PPP2R3C: variants seen among roughly 807,000 people sequenced by gnomAD.
PPP2R3C encodes protein phosphatase 2 regulatory subunit B''gamma, also known as serine/threonine-protein phosphatase 2A regulatory subunit B'' subunit gamma.
PPP2R3C carries 47 observed loss-of-function variants against 63.7 expected under a neutral mutation model. That is an observed-to-expected ratio of 0.74 (90% CI 0.58 to 0.94). The LOEUF is 0.94. PPP2R3C is among the 40% of genes least tolerant of loss of function. The pLI is 0.00. For missense variants in PPP2R3C, 421 were observed against 518.4 expected, an observed-to-expected ratio of 0.81 and a Z score of 1.82; for synonymous variants, 180 against 177.4, an observed-to-expected ratio of 1.01 and a Z score of -0.12.
chr14:35,097,661 T>G (rs1283852959), intron 7 of PPP2R3C, among the ~76,000 whole-genome samples: 2 of 152,008 alleles, frequency 1.3e-5, no homozygotes, highest in African/African-American at 4.8e-5. Flanking sequence ...TTTTTCTATT[T>G]TTAGTAGAGA....
intron 1 of PPP2R3C, among the ~76,000 whole-genome samples, chr14:35,118,379 G>GA (rs1271808934): frequency 6.6e-6 from 1 of 152,112 alleles, no homozygotes; most frequent in Admixed American, 6.6e-5. Flanking sequence ...GGCAAAAATG[G>GA]AATCTACTAC....
chr14:35,093,454 T>G (rs1264713015), intron 10 of PPP2R3C, among the ~76,000 whole-genome samples: 2 of 152,146 alleles, frequency 1.3e-5, no homozygotes, highest in South Asian at 2.1e-4. Context: ...TAATATAAGC[T>G]CCTCACTGTC....
At chr14:35,102,377 T>C (rs1210230120) in intron 6 of PPP2R3C, 2 of 152,198 alleles carry the variant, frequency 1.3e-5, no homozygotes, top group African/African-American at 4.8e-5. Flanking sequence ...CCATTTCAAA[T>C]ATCAAATTTC....
chr14:35,093,203 A>G (rs181532194), intron 10 of PPP2R3C, among the ~76,000 whole-genome samples: 6 of 151,818 alleles, frequency 4.0e-5, no homozygotes, highest in South Asian at 2.1e-4. Context: ...ACAGAGGGAG[A>G]CTCCATCTAA....
chr14:35,102,042 T>G (rs2046212897), intron 6 of PPP2R3C: 1 of 151,242 alleles, frequency 6.6e-6, no homozygotes, highest in South Asian at 2.1e-4. Flanking sequence ...TTTTTTTTTT[T>G]TTTTGAGACG....
At position 35,105,571 on chromosome 14, in the gene PPP2R3C, A is replaced by T. The variant is rs1226802969; in HGVS notation, c.573+1733T>A. Among the ~76,000 whole-genome samples the T allele has an allele frequency of 3.9e-5, 6 of 152,062 alleles. No homozygotes were observed. In the East Asian group the frequency reaches 1.2e-3, roughly 29 times the overall value. ...ACATTAAACATTTGTTTAGTAACACATGTCATTTGTTAAAAAAAATAAAAA... is the reference window on the plus strand; with the variant it reads ...ACATTAAACATTTGTTTAGTAACACTTGTCATTTGTTAAAAAAAATAAAAA... On this transcript the variant is annotated intron_variant, in intron 6 of 12. Coordinates refer to ENST00000261475, the MANE Select transcript of PPP2R3C (RefSeq NM_017917.4).
chr14:35,092,478 T>C (rs2138617353), intron 10 of PPP2R3C, among the ~76,000 whole-genome samples: 2 of 152,290 alleles, frequency 1.3e-5, no homozygotes, highest in South Asian at 4.1e-4. Flanking sequence ...GTATAATTTT[T>C]TTTTTGAGAT....
intron 12 of PPP2R3C, 45 bp downstream of exon 12, chr14:35,087,906 A>T (rs760018668): frequency 4.3e-6 from 6 of 1,380,654 alleles, no homozygotes; most frequent in South Asian, 1.2e-5. Context: ...ACAAATGACT[A>T]TCTCATAATT....
chr14:35,096,409 G>C, intron 9 of PPP2R3C, 149 bp downstream of exon 9: 3 of 763,402 alleles, frequency 3.9e-6, no homozygotes, highest in Non-Finnish European at 6.4e-6. Flanking sequence ...ATTTAAACAA[G>C]TAAATTTTGG....
chr14:35,107,637 G>T (rs977542599), intron 5 of PPP2R3C: 1 of 436,322 alleles, frequency 2.3e-6, no homozygotes. Context: ...GGGACAGCTA[G>T]TATAATATTA....
In PPP2R3C at chr14:35,095,116, T is replaced by C. The variant is rs774021376; in HGVS notation, c.907A>G (p.Thr303Ala). 20 of 1,611,036 alleles carry C rather than the reference T, an allele frequency of 1.2e-5. No homozygotes were observed. Among genetic ancestry groups the C allele is most frequent in the Non-Finnish European group, 1.7e-5 (20 of 1,177,242 alleles). Residue 303 changes from threonine to alanine, a missense_variant, in exon 10 of 13, where the codon ACA becomes GCA. Physicochemically the swap from Thr to Ala is moderately conservative, Grantham distance 58 (BLOSUM62 0). Coordinates refer to ENST00000261475, the MANE Select transcript of PPP2R3C (RefSeq NM_017917.4). ...LSKEELSRYG[T>A]ATMTNVFLDR... ...AAGAAGACATTGGTCATGGTAGCTG[T>C]TCCATAGCGTGAGAGTTCTTCTTTA...
At chr14:35,110,798 T>C in intron 2 of PPP2R3C, 169 bp from the exon 3 acceptor site, 1 of 555,750 alleles carries the variant, frequency 1.8e-6, no homozygotes, top group Non-Finnish European at 3.2e-6. Flanking sequence ...AGAGAATCGG[T>C]GATCAGAAAG....
At chr14:35,098,684 G>T (rs913367371) in intron 7 of PPP2R3C, 1 of 152,176 alleles carries the variant, frequency 6.6e-6, no homozygotes, top group East Asian at 1.9e-4. Flanking sequence ...GGACAATCAG[G>T]CACTTTGATT....
intron 12 of PPP2R3C, 139 bp downstream of exon 12, chr14:35,087,812 T>C (rs2045658937): frequency 3.0e-6 from 2 of 664,786 alleles, no homozygotes; most frequent in Non-Finnish European, 5.3e-6. Context: ...TTCGTAATGA[T>C]TTAAATATCA....
chr14:35,094,905 G>C (rs2045945138), intron 10 of PPP2R3C, 143 bp downstream of exon 10: 2 of 829,728 alleles, frequency 2.4e-6, no homozygotes, highest in Admixed American at 2.9e-5. Flanking sequence ...ATTGAGCGGA[G>C]ATCACACCAC....
At chr14:35,104,191 G>A (rs142034908) in intron 6 of PPP2R3C, among the ~76,000 whole-genome samples, 4 of 152,292 alleles carry the variant, frequency 2.6e-5, no homozygotes, top group South Asian at 2.1e-4. Flanking sequence ...ACCTCTAAAC[G>A]AGTACCAGCA....
Position 35,087,975 on chromosome 14 carries a change from A to T in PPP2R3C, c.1149T>A (p.Asp383Glu). 2 of 1,599,254 alleles carry T rather than the reference A, an allele frequency of 1.3e-6. No individual in the cohort carries two copies. The highest frequency in any genetic ancestry group is 8.6e-7 in the Non-Finnish European group (1 of 1,166,570). Reference sequence around the variant, plus strand: ...CCTTGACATCTTGAAATGAAACAGGATCTTGTCCATGGATTTTCATTAGTT... The same window carrying T: ...CCTTGACATCTTGAAATGAAACAGGTTCTTGTCCATGGATTTTCATTAGTT... ...IQELMKIHGQ[D>E]PVSFQDVKDE... The change falls in exon 12 of 13, where the codon GAT becomes GAA. Residue 383 changes from aspartate (D) to glutamate (E), a missense_variant. Transcript: ENST00000261475.
Position 35,110,446 on chromosome 14 carries a change from A to C in PPP2R3C, c.291+79T>G, listed in dbSNP as rs1475098989. 10 of 946,176 alleles carry C rather than the reference A, an allele frequency of 1.1e-5. No individual in the cohort carries two copies. The Admixed American group carries it at 2.0e-4, about 19-fold the overall frequency. 58.6% of individuals were successfully genotyped at this position (946,176 alleles called of 1,614,324 possible). ...CTCTGTAGTACGGACTCCATTAGGC[A>C]CCAAGAAATCCTGCATGATTTAAGT... is the stretch of plus-strand genomic sequence containing the variant. On this transcript the variant is annotated intron_variant, in intron 3 of 12. Transcript: ENST00000261475.
At chr14:35,121,800 G>C (rs2046907821) in intron 1 of PPP2R3C, 102 bp downstream of exon 1, 1 of 1,308,254 alleles carries the variant, frequency 7.6e-7, no homozygotes, top group Middle Eastern at 2.1e-4. Context: ...TTTCACAGAA[G>C]CGGAAAAGGC....
Sources: gnomAD v4.1 joint callset for allele counts (sites outside exome capture counted in the v4.1 genomes callset) on GRCh38, gnomAD v4.1.1 for gene constraint, MANE v1.5 for transcripts, NCBI Gene and HGNC (gene_info 2026-07-23, HGNC 2026-07-21) for gene names.